The following HNF1B variants were observed in gnomAD, a reference collection of about 807,000 sequenced individuals.
HNF1B encodes hepatocyte nuclear factor 1-beta.
HNF1B carries 8 observed loss-of-function variants against 61.7 expected under a neutral mutation model. The ratio of observed to expected loss-of-function variants is 0.13; its 90% confidence interval spans 0.08 to 0.23. The LOEUF is 0.23. Among genes scored for constraint, HNF1B ranks in the 10% least tolerant of loss-of-function variants. The probability of loss-of-function intolerance (pLI) is 1.00; values close to 1 mark genes in which losing one functional copy is unlikely to be tolerated. For missense variants in HNF1B, 562 were observed against 714.5 expected, an observed-to-expected ratio of 0.79 and a Z score of 2.43; for synonymous variants, 314 against 287.7, an observed-to-expected ratio of 1.09 and a Z score of -0.93.
chr17:37,744,768 G>T lies in HNF1B; in HGVS notation c.117C>A (p.Phe39Leu), dbSNP rs1262317733. Residue 39 changes from phenylalanine to leucine, a missense_variant, in exon 1 of 9, where the codon TTC becomes TTA. Phe to Leu is a conservative substitution (Grantham distance 22, BLOSUM62 0). Around this residue, in one of 6 missense-constraint regions of HNF1B, gnomAD observed 148 missense variants for 147.3 expected, o/e 1.00. Coordinates refer to ENST00000617811, the MANE Select transcript of HNF1B (RefSeq NM_000458.4). ...ALEELLPSPN[F>L]GVKLETLPLS... ...GGGGCAGCGTCTCCAGCTTCACCCC[G>T]AAGTTCGGGGATGGCAGCAACTCCT... 1.2e-6 allele frequency: 2 copies of T among 1,613,606 alleles called. No homozygotes were observed. Among genetic ancestry groups the T allele is most frequent in the South Asian group, 1.1e-5 (1 of 91,090 alleles).
At chr17:37,694,372 G>C (rs2032303687) in intron 8 of HNF1B, among the ~76,000 whole-genome samples, 1 of 142,260 alleles carries the variant, frequency 7.0e-6, no homozygotes, top group South Asian at 2.3e-4. Context: ...GCTGCAGTGA[G>C]CTGAGATCAC....
chr17:37,701,975 G>A (rs989071035), intron 6 of HNF1B, among the ~76,000 whole-genome samples: 3 of 152,140 alleles, frequency 2.0e-5, no homozygotes, highest in Admixed American at 6.5e-5. Flanking sequence ...TTTAGAACCC[G>A]GGCCAGCACT....
chr17:37,723,755 C>A (rs1025270468), intron 4 of HNF1B, among the ~76,000 whole-genome samples: 18 of 152,102 alleles, frequency 1.2e-4, no homozygotes, highest in African/African-American at 4.3e-4. Flanking sequence ...AACAAAAAAA[C>A]AAAGAAACAA....
At chr17:37,694,804 C>A (rs1212659665) in intron 8 of HNF1B, among the ~76,000 whole-genome samples, 1 of 152,086 alleles carries the variant, frequency 6.6e-6, no homozygotes, top group Non-Finnish European at 1.5e-5. Flanking sequence ...CATTTCTAAG[C>A]GGTAAAACAT....
chr17:37,710,785 G>A, intron 4 of HNF1B, 122 bp from the exon 5 acceptor site: 5 of 891,434 alleles, frequency 5.6e-6, no homozygotes, highest in Non-Finnish European at 9.0e-6. Flanking sequence ...CTCCTCCCCT[G>A]TCCACCCACA....
intron 4 of HNF1B, 33 bp downstream of exon 4, chr17:37,731,561 GT>G: frequency 6.5e-7 from 1 of 1,548,282 alleles, no homozygotes. Flanking sequence ...GGATGGTTGG[GT>G]TGCCGAGGCA....
intron 8 of HNF1B, among the ~76,000 whole-genome samples, chr17:37,690,493 A>G (rs1229148028): frequency 3.3e-5 from 5 of 152,166 alleles, no homozygotes; most frequent in Non-Finnish European, 7.4e-5. Context: ...AGTGGGAGAC[A>G]GGCAAGGGCC....
At chr17:37,741,243 TA>T (rs2033983724) in intron 1 of HNF1B, among the ~76,000 whole-genome samples, 2 of 152,336 alleles carry the variant, frequency 1.3e-5, no homozygotes, top group South Asian at 4.1e-4. Flanking sequence ...GTTTAATGAA[TA>T]AAAATCCAGT....
intron 4 of HNF1B, among the ~76,000 whole-genome samples, chr17:37,727,685 C>G (rs2033545437): frequency 6.6e-6 from 1 of 152,138 alleles, no homozygotes; most frequent in South Asian, 2.1e-4. Flanking sequence ...CCCTATTGTG[C>G]CGGACATTCC....
At position 37,727,362 on chromosome 17, in the gene HNF1B, A is replaced by G. The variant is rs148476659; in HGVS notation, c.1045+4233T>C. The stretch of plus-strand genomic sequence containing the variant: ...GATAAAGGCCTTCCAGGCTGAAGAT[A>G]AATGGCTGCCTGCAGCCTGCTACAG... On this transcript the variant is annotated intron_variant, in intron 4 of 8. Transcript: ENST00000617811. Among the ~76,000 whole-genome samples, 740 of 152,316 alleles carry G rather than the reference A, an allele frequency of 4.9e-3. 5 individuals carry two copies. Among genetic ancestry groups the G allele is most frequent in the African/African-American group, 0.017 (694 of 41,574 alleles).
At chr17:37,732,978 G>C (rs1350042665) in intron 3 of HNF1B, among the ~76,000 whole-genome samples, 2 of 152,116 alleles carry the variant, frequency 1.3e-5, no homozygotes, top group Non-Finnish European at 2.9e-5. Context: ...ACCGTGCCTG[G>C]CTGGTAGTTA....
At chr17:37,744,458 G>A (rs940764268) in intron 1 of HNF1B, 83 bp downstream of exon 1, 3 of 1,397,470 alleles carry the variant, frequency 2.1e-6, no homozygotes, top group Admixed American at 1.7e-5. Flanking sequence ...CTTGGCGAGT[G>A]TGGTCGGGCG....
chr17:37,704,326 C>G (rs930917128), intron 6 of HNF1B, among the ~76,000 whole-genome samples: 6 of 152,176 alleles, frequency 3.9e-5, no homozygotes, highest in Admixed American at 6.5e-5. Flanking sequence ...GCTTTTTCTC[C>G]TTAAAGTTTT....
At chr17:37,714,639 A>G (rs1425759966) in intron 4 of HNF1B, among the ~76,000 whole-genome samples, 1 of 152,204 alleles carries the variant, frequency 6.6e-6, no homozygotes, top group African/African-American at 2.4e-5. Flanking sequence ...TGAGTAGATC[A>G]TCTACTTTCC....
At chr17:37,694,500 G>A (rs1018788871) in intron 8 of HNF1B, among the ~76,000 whole-genome samples, 2 of 126,194 alleles carry the variant, frequency 1.6e-5, no homozygotes, top group African/African-American at 7.1e-5. Context: ...TTTGGCAATG[G>A]GTAACAGGCA....
intron 4 of HNF1B, among the ~76,000 whole-genome samples, chr17:37,725,473 G>T (rs578158892): frequency 6.6e-6 from 1 of 152,174 alleles, no homozygotes; most frequent in Non-Finnish European, 1.5e-5. Flanking sequence ...TATCCTGATT[G>T]TCTTCCCCAA....
rs973088408 is a variant in HNF1B at position 37,710,407 on chromosome 17, A to G, written c.1206+96T>C. On this transcript the variant is annotated intron_variant, in intron 5 of 8. Transcript: ENST00000617811. ...CCTCATTTTCCCCTATGGGGCTACA[A>G]TGGTTCATTGTTTGAGGCAGGCCTT... The G allele has an allele frequency of 1.2e-5, 18 of 1,489,294 alleles. No individual in the cohort carries two copies. The African/African-American group carries it at 1.2e-4, about 10-fold the overall frequency. 92.3% of individuals were successfully genotyped at this position (1,489,294 alleles called of 1,614,324 possible).
At position 37,699,170 on chromosome 17, in the gene HNF1B, G is replaced by A; in HGVS notation, c.1559C>T (p.Pro520Leu). Residue 520 changes from proline to leucine, a missense_variant, in exon 8 of 9, where the codon CCC (proline) becomes CTC (leucine). By Grantham distance (98) the Pro-to-Leu change is moderately conservative. Around this residue, in one of 6 missense-constraint regions of HNF1B, gnomAD observed 64 missense variants for 96.9 expected, o/e 0.66. Transcript: ENST00000617811. ...SHMYAHKQEP[P>L]QYSHTSRFPS... ...AAACCGGGAGGTGTGGGAATACTGG[G>A]GGGGTTCCTGCTTGTGTGCGTACAC... is the stretch of plus-strand genomic sequence containing the variant. 1 of 1,614,078 alleles carries A rather than the reference G, an allele frequency of 6.2e-7. No homozygotes were observed. The highest frequency in any genetic ancestry group is 1.3e-5 in the African/African-American group (1 of 74,994).
rs187556368 is a variant in HNF1B at position 37,701,043 on chromosome 17, C to T, written c.1474G>A (p.Gly492Ser). Reference sequence around the variant, plus strand: ...AAGGGCTGCTGGGCCATGTGGCTGCCTGGGCTCTGCTGCATGAGGGGCTGC... The same window carrying T: ...AAGGGCTGCTGGGCCATGTGGCTGCTTGGGCTCTGCTGCATGAGGGGCTGC... ...HQQPLMQQSP[G>S]SHMAQQPFMA... The change falls in exon 7 of 9, where the codon GGC becomes AGC. Residue 492 changes from glycine to serine, a missense_variant. Physicochemically the swap from Gly to Ser is moderately conservative, Grantham distance 56 (BLOSUM62 0). Coordinates refer to ENST00000617811, the MANE Select transcript of HNF1B (RefSeq NM_000458.4). The T allele has an allele frequency of 1.1e-3, 1,693 of 1,555,390 alleles. 22 individuals carry two copies. The highest frequency in any genetic ancestry group is 1.5e-4 in the Non-Finnish European group (174 of 1,149,116).
Sources: gnomAD v4.1 joint callset for allele counts (sites outside exome capture counted in the v4.1 genomes callset) on GRCh38, gnomAD v4.1.1 for gene constraint, gnomAD v4.1.1 regional missense constraint, MANE v1.5 for transcripts, NCBI Gene and HGNC (gene_info 2026-07-23, HGNC 2026-07-21) for gene names.